BRAF: variants seen among roughly 807,000 people sequenced by gnomAD.
The protein encoded by BRAF is B-Raf proto-oncogene, serine/threonine kinase.
BRAF carries 16 observed loss-of-function variants against 104.6 expected under a neutral mutation model. The ratio of observed to expected loss-of-function variants is 0.15; its 90% CI spans 0.10 to 0.23. The LOEUF (loss-of-function observed/expected upper bound fraction) is 0.23, where lower values mean the gene tolerates loss of function less well. Among genes scored for constraint, BRAF ranks in the 10% least tolerant of loss-of-function variants. The pLI, the probability that BRAF is intolerant of heterozygous loss-of-function variation, is 1.00. For missense variants in BRAF, 541 were observed against 937.3 expected (o/e 0.58, Z 5.52); for synonymous variants, 310 against 341.6 (o/e 0.91, Z 1.02).
intron 5 of BRAF, among the ~76,000 whole-genome samples, chr7:140,805,857 T>C (rs532158376): frequency 2.0e-5 from 3 of 152,342 alleles, no homozygotes; most frequent in Non-Finnish European, 2.9e-5. Flanking sequence ...AAGAACACTT[T>C]TCCTTTCTAA....
At chr7:140,736,752 T>C (rs988204636) in intron 18 of BRAF, among the ~76,000 whole-genome samples, 13 of 151,188 alleles carry the variant, frequency 8.6e-5, no homozygotes, top group African/African-American at 2.9e-4. Flanking sequence ...AAAGTGGTTA[T>C]CAGGCTGGGC....
chr7:140,816,492 T>C (rs936092169), intron 3 of BRAF, among the ~76,000 whole-genome samples: 1 of 152,166 alleles, frequency 6.6e-6, no homozygotes, highest in Non-Finnish European at 1.5e-5. Context: ...CCTTAATCTT[T>C]CCATTCCATA....
chr7:140,809,425 T>C (rs1484245046), intron 3 of BRAF, among the ~76,000 whole-genome samples: 1 of 152,174 alleles, frequency 6.6e-6, no homozygotes, highest in Non-Finnish European at 1.5e-5. Context: ...TTACTGGCCC[T>C]AAACATAGCG....
chr7:140,882,521 G>A (rs540138828), intron 1 of BRAF, among the ~76,000 whole-genome samples: 1 of 152,002 alleles, frequency 6.6e-6, no homozygotes, highest in East Asian at 2.0e-4. Flanking sequence ...GGGACTACAG[G>A]CGCACGCCAC....
intron 2 of BRAF, among the ~76,000 whole-genome samples, chr7:140,838,889 T>TA (rs1807629203): frequency 6.6e-6 from 1 of 152,204 alleles, no homozygotes; most frequent in South Asian, 2.1e-4. Context: ...GTGGGAATGA[T>TA]AAAAATATTT....
chr7:140,800,381 G>A lies in BRAF; in HGVS notation c.961C>T (p.Pro321Ser), dbSNP rs760952736. ...CCATACCCAATAGAGTCCGAGGCGG[G>A]TGCGGAAGGGGATGATCCAGATGTT... ...ALTSGSSPSAPASDSIGPQIL... is the reference protein window; with the variant it reads ...ALTSGSSPSASASDSIGPQIL... The change falls in exon 7 of 20, where the codon CCC (proline) becomes TCC (serine). Residue 321 changes from proline (P) to serine (S), a missense_variant. By Grantham distance (74) the Pro-to-Ser change is moderately conservative. Transcript: ENST00000644969. 1.9e-6 allele frequency: 3 copies of A among 1,614,152 alleles called. No homozygotes were observed. The South Asian group carries it at 3.3e-5, about 18-fold the overall frequency.
intron 1 of BRAF, among the ~76,000 whole-genome samples, chr7:140,917,617 A>G (rs1054589331): frequency 6.6e-6 from 1 of 152,228 alleles, no homozygotes; most frequent in East Asian, 1.9e-4. Flanking sequence ...AAATAAATCA[A>G]TCTAGTTTTT....
At chr7:140,779,722 C>T (rs1328165446) in intron 12 of BRAF, 2 of 152,218 alleles carry the variant, frequency 1.3e-5, no homozygotes. Flanking sequence ...CACCTGAGGT[C>T]AGGAGTTTGA....
chr7:140,719,060 G>A (rs1419044295), downstream of BRAF, among the ~76,000 whole-genome samples: 2 of 152,182 alleles, frequency 1.3e-5, no homozygotes, highest in African/African-American at 4.8e-5. Context: ...TGAAACTAAA[G>A]ATACATCAGG....
intron 1 of BRAF, among the ~76,000 whole-genome samples, chr7:140,880,292 T>C (rs944717275): frequency 6.6e-6 from 1 of 152,226 alleles, no homozygotes; most frequent in African/African-American, 2.4e-5. Context: ...AAAATCACTT[T>C]CTTTGCTCAT....
intron 14 of BRAF, among the ~76,000 whole-genome samples, chr7:140,763,629 C>T (rs1340353224): frequency 1.3e-5 from 2 of 152,216 alleles, no homozygotes; most frequent in Admixed American, 6.5e-5. Context: ...CCACCAATCC[C>T]ACAGAAATAC....
At chr7:140,782,153 T>C (rs1800942483) in intron 11 of BRAF, among the ~76,000 whole-genome samples, 1 of 152,104 alleles carries the variant, frequency 6.6e-6, no homozygotes, top group Non-Finnish European at 1.5e-5. Flanking sequence ...AGTGAGAACA[T>C]GTGGTGTTTG....
rs1801023010 is a variant in BRAF, at chr7:140,782,986, G to T, written c.1434+35C>A. ...TTTGGCTGTGACTTCTAAGAAGAAA[G>T]AATTCAGAGAAAAAAAGATATCATA... On this transcript the variant is annotated intron_variant, in intron 11 of 19. Transcript: ENST00000644969. 6 of 1,609,254 alleles carry T rather than the reference G, an allele frequency of 3.7e-6. No individual in the cohort carries two copies. The Admixed American group carries it at 1.0e-4, about 27-fold the overall frequency.
At chr7:140,714,137 T>C in the BRAF span, among the ~76,000 whole-genome samples, 18 of 152,082 alleles carry the variant, frequency 1.2e-4, no homozygotes, top group South Asian at 1.7e-3. Flanking sequence ...CAAAGCTCAG[T>C]TGGAAATGCA....
intron 1 of BRAF, among the ~76,000 whole-genome samples, chr7:140,867,591 A>G (rs1446996647): frequency 6.6e-6 from 1 of 152,098 alleles, no homozygotes. Flanking sequence ...AGAGACTGTG[A>G]GCAGGATCGG....
intron 9 of BRAF, chr7:140,785,887 A>C: frequency 2.5e-6 from 1 of 397,866 alleles, no homozygotes; most frequent in Non-Finnish European, 4.4e-6. Context: ...CATGGGGAAT[A>C]AACAAGATGA....
chr7:140,845,924 C>A (rs1460246462), intron 2 of BRAF, among the ~76,000 whole-genome samples: 1 of 152,114 alleles, frequency 6.6e-6, no homozygotes, highest in Non-Finnish European at 1.5e-5. Context: ...CGTGATCCGC[C>A]CACCTTAGCC....
chr7:140,794,162 AT>A (rs1802283944), intron 8 of BRAF, 145 bp downstream of exon 8: 2 of 975,556 alleles, frequency 2.1e-6, no homozygotes, highest in Admixed American at 2.5e-5. Context: ...AGCTTTTCTG[AT>A]TTGTGATTCA....
intron 3 of BRAF, among the ~76,000 whole-genome samples, chr7:140,817,644 T>C (rs73165466): frequency 0.028 from 4,188 of 152,204 alleles, 93 homozygotes; most frequent in Non-Finnish European, 0.04. Context: ...ATTCCATACA[T>C]CTACAGTGAA....
Sources: gnomAD v4.1 joint callset for allele counts (sites outside exome capture counted in the v4.1 genomes callset) on GRCh38, gnomAD v4.1.1 for gene constraint, MANE v1.5 for transcripts, NCBI Gene and HGNC (gene_info 2026-07-23, HGNC 2026-07-21) for gene names.